KCNH1: variants seen among roughly 807,000 people sequenced by gnomAD.
The protein encoded by KCNH1 is voltage-gated delayed rectifier potassium channel KCNH1.
In KCNH1, 27 loss-of-function variants were observed where a neutral mutation model predicts 69.2. The ratio of observed to expected loss-of-function variants is 0.39; its 90% CI spans 0.29 to 0.54. The LOEUF is 0.54. Ranked by LOEUF, KCNH1 falls within the 20% of genes least tolerant of loss-of-function variation. KCNH1 has a pLI of 0.68. For synonymous variants in KCNH1, 456 were observed against 487.7 expected (o/e 0.93, Z 0.86); for missense variants, 798 against 1,261.6 (o/e 0.63, Z 5.57).
intron 6 of KCNH1, among the ~76,000 whole-genome samples, chr1:210,980,944 C>T (rs949197298): frequency 2.0e-5 from 3 of 152,120 alleles, no homozygotes; most frequent in African/African-American, 7.2e-5. Flanking sequence ...GGTCCCGTAG[C>T]TCCAAAGCCT....
intron 10 of KCNH1, among the ~76,000 whole-genome samples, chr1:210,711,181 G>T (rs574029453): frequency 6.6e-6 from 1 of 152,360 alleles, no homozygotes; most frequent in African/African-American, 2.4e-5. Context: ...GACCATGGGG[G>T]AAGGAGAGGA....
rs143062616 is a variant in KCNH1, at chr1:210,866,181, G to A, written c.1462+53459C>T. ...TAAAACTCTTAGATGAAAATATAGG[G>A]GCAAATCTTTATGACCCTGAGTTAG... is the stretch of plus-strand genomic sequence containing the variant. On this transcript the variant is annotated intron_variant, in intron 7 of 10. Transcript: ENST00000271751. 1.9e-3 allele frequency among the ~76,000 whole-genome samples: 289 copies of A among 152,024 alleles called. 1 individual carries two copies. Among genetic ancestry groups the A allele is most frequent in the African/African-American group, 6.5e-3 (268 of 41,466 alleles).
chr1:210,680,595 GCAGT>G lies in KCNH1; in HGVS notation c.*2682_*2685del, dbSNP rs1558418674. 6.6e-6 allele frequency: 1 copy of G among 152,178 alleles called. No homozygotes were observed. The highest frequency in any genetic ancestry group is 1.9e-4 in the East Asian group (1 of 5,194). 9.4% of individuals were successfully genotyped at this position (152,178 alleles called of 1,614,324 possible). On this transcript the variant is annotated 3_prime_UTR_variant, in exon 11 of 11. Transcript: ENST00000271751. ...CAGAGTGGCATCCTGGCATGGGAAG[GCAGT>G]CAGCACAAAGCAGCCTGCGGTCAAG...
intron 10 of KCNH1, among the ~76,000 whole-genome samples, chr1:210,720,097 C>A (rs1197431525): frequency 6.6e-6 from 1 of 152,142 alleles, no homozygotes; most frequent in Non-Finnish European, 1.5e-5. Context: ...CATTCTATGG[C>A]CAAACAGGAC....
intron 10 of KCNH1, among the ~76,000 whole-genome samples, chr1:210,738,055 A>G (rs148751278): frequency 5.8e-4 from 88 of 152,238 alleles, no homozygotes; most frequent in African/African-American, 2.0e-3. Context: ...CACAAGAATG[A>G]GTTTCCACCT....
At chr1:210,805,842 C>T (rs1185167201) in intron 7 of KCNH1, among the ~76,000 whole-genome samples, 1 of 152,200 alleles carries the variant, frequency 6.6e-6, no homozygotes, top group Non-Finnish European at 1.5e-5. Flanking sequence ...AATATGCGGT[C>T]TTCCATGACT....
At chr1:211,078,399 A>G (rs1467529098) in intron 5 of KCNH1, among the ~76,000 whole-genome samples, 1 of 152,222 alleles carries the variant, frequency 6.6e-6, no homozygotes, top group Non-Finnish European at 1.5e-5. Context: ...TGTAAAGAAC[A>G]GAAATCACAA....
intron 6 of KCNH1, among the ~76,000 whole-genome samples, chr1:210,924,305 T>G (rs1297312306): frequency 6.6e-6 from 1 of 152,262 alleles, no homozygotes; most frequent in Non-Finnish European, 1.5e-5. Context: ...ACAGTGCCTT[T>G]GCAGAAAGGG....
At chr1:211,038,174 G>T (rs1455473313) in intron 5 of KCNH1, among the ~76,000 whole-genome samples, 1 of 151,892 alleles carries the variant, frequency 6.6e-6, no homozygotes, top group Non-Finnish European at 1.5e-5. Context: ...TGTTAGCCAG[G>T]ATGGTCTCGA....
At chr1:211,000,894 C>G (rs1689164233) in intron 6 of KCNH1, among the ~76,000 whole-genome samples, 1 of 152,026 alleles carries the variant, frequency 6.6e-6, no homozygotes, top group Admixed American at 6.6e-5. Flanking sequence ...ACAAACCTGA[C>G]AAAAACAAGA....
intron 7 of KCNH1, among the ~76,000 whole-genome samples, chr1:210,918,042 T>C (rs1687383560): frequency 6.6e-6 from 1 of 152,122 alleles, no homozygotes; most frequent in Non-Finnish European, 1.5e-5. Flanking sequence ...AATTACCCCC[T>C]TAGACACATT....
At chr1:210,776,426 T>C (rs1374683915) in intron 9 of KCNH1, among the ~76,000 whole-genome samples, 4 of 152,166 alleles carry the variant, frequency 2.6e-5, no homozygotes, top group African/African-American at 9.7e-5. Context: ...TCCCCCATAA[T>C]TCATATATTA....
At chr1:210,820,099 G>A (rs571031123) in intron 7 of KCNH1, among the ~76,000 whole-genome samples, 2 of 152,326 alleles carry the variant, frequency 1.3e-5, no homozygotes, top group African/African-American at 4.8e-5. Flanking sequence ...TATTGTTGTT[G>A]TTTTAAGCCT....
chr1:210,952,446 G>A (rs534393331), intron 6 of KCNH1, among the ~76,000 whole-genome samples: 1 of 152,264 alleles, frequency 6.6e-6, no homozygotes, highest in South Asian at 2.1e-4. Context: ...CAAACATCAA[G>A]CCTGGTCACT....
chr1:211,116,861 C>T (rs1028402661), intron 1 of KCNH1, among the ~76,000 whole-genome samples: 1 of 152,170 alleles, frequency 6.6e-6, no homozygotes, highest in Non-Finnish European at 1.5e-5. Flanking sequence ...AGAAGGGAAA[C>T]AAATGGCACC....
intron 6 of KCNH1, among the ~76,000 whole-genome samples, chr1:210,976,366 A>G (rs913627145): frequency 6.8e-6 from 1 of 147,284 alleles, no homozygotes; most frequent in African/African-American, 2.5e-5. Flanking sequence ...TCCATCAATG[A>G]TAGACTAGAT....
chr1:211,063,904 T>A (rs1690481812), intron 5 of KCNH1, among the ~76,000 whole-genome samples: 1 of 152,232 alleles, frequency 6.6e-6, no homozygotes, highest in Non-Finnish European at 1.5e-5. Flanking sequence ...CCTTATCTGA[T>A]CATTACACAT....
intron 6 of KCNH1, among the ~76,000 whole-genome samples, chr1:211,004,075 C>T (rs980694501): frequency 6.6e-5 from 10 of 152,004 alleles, no homozygotes; most frequent in Non-Finnish European, 1.5e-4. Flanking sequence ...GCCTGGGCGA[C>T]AGCGAGACTC....
intron 6 of KCNH1, among the ~76,000 whole-genome samples, chr1:211,009,616 T>C (rs200685187): frequency 1.9e-4 from 27 of 139,756 alleles, no homozygotes; most frequent in South Asian, 4.6e-4. Flanking sequence ...TTTTTTTTTT[T>C]CTTTTTTTTT....
Sources: gnomAD v4.1 joint callset for allele counts (sites outside exome capture counted in the v4.1 genomes callset) on GRCh38, gnomAD v4.1.1 for gene constraint, MANE v1.5 for transcripts, NCBI Gene and HGNC (gene_info 2026-07-23, HGNC 2026-07-21) for gene names.